STXBP6: variants seen among roughly 807,000 people sequenced by gnomAD.
STXBP6 encodes syntaxin binding protein 6, also known as syntaxin-binding protein 6.
Under a neutral mutation model 26.9 loss-of-function variants are expected in STXBP6, and 21 were observed. That is an observed-to-expected ratio of 0.78 (90% CI 0.55 to 1.12). The LOEUF (loss-of-function observed/expected upper bound fraction) is 1.12. Among genes scored for constraint, STXBP6 ranks in the 50% most tolerant of loss-of-function variants. The probability of loss-of-function intolerance (pLI) is 0.00; values close to 1 mark genes in which losing one functional copy is unlikely to be tolerated. For missense variants in STXBP6, 232 were observed against 257.9 expected, an observed-to-expected ratio of 0.90 and a Z score of 0.69; for synonymous variants, 97 against 92.6, an observed-to-expected ratio of 1.05 and a Z score of -0.27.
chr14:24,873,859 T>A (rs534235455), intron 2 of STXBP6, among the ~76,000 whole-genome samples: 2 of 152,316 alleles, frequency 1.3e-5, no homozygotes, highest in East Asian at 3.9e-4. Context: ...TGATGCTGGC[T>A]GTGTCTGCCT....
At chr14:24,910,084 C>T (rs2071517034) in intron 2 of STXBP6, among the ~76,000 whole-genome samples, 1 of 152,032 alleles carries the variant, frequency 6.6e-6, no homozygotes, top group Non-Finnish European at 1.5e-5. Flanking sequence ...CCGCACCCAT[C>T]CACACTGGCC....
At chr14:24,866,462 T>A (rs980518775) in intron 2 of STXBP6, among the ~76,000 whole-genome samples, 7 of 152,140 alleles carry the variant, frequency 4.6e-5, no homozygotes, top group Non-Finnish European at 7.3e-5. Context: ...TGTGTATGTA[T>A]ATACACTCAT....
rs114164910 is a variant in STXBP6 at position 24,980,257 on chromosome 14, C to G, written c.-32-5407G>C. ...TTTTTCTGATGTCATATATTAAGAT[C>G]AAGGAGATAATATGAGGCCAATTTA... On this transcript the variant is annotated intron_variant, in intron 1 of 5. Transcript: ENST00000323944. 7.3e-3 allele frequency among the ~76,000 whole-genome samples: 1,104 copies of G among 152,180 alleles called. 9 individuals carry two copies. The highest frequency in any genetic ancestry group is 0.026 in the African/African-American group (1,059 of 41,508).
At chr14:24,999,688 C>A (rs1280990637) in intron 1 of STXBP6, among the ~76,000 whole-genome samples, 2 of 152,020 alleles carry the variant, frequency 1.3e-5, no homozygotes, top group East Asian at 1.9e-4. Context: ...GGTGCCACTA[C>A]CCCCAAAAGA....
At chr14:24,826,605 A>G (rs543121633) in intron 4 of STXBP6, among the ~76,000 whole-genome samples, 1 of 152,100 alleles carries the variant, frequency 6.6e-6, no homozygotes, top group Non-Finnish European at 1.5e-5. Flanking sequence ...AAACTCACCA[A>G]TGACCTATCG....
intron 2 of STXBP6, among the ~76,000 whole-genome samples, chr14:24,884,751 G>T (rs929623703): frequency 2.8e-5 from 4 of 143,184 alleles, no homozygotes; most frequent in African/African-American, 1.1e-4. Flanking sequence ...TAATGTTTAT[G>T]AATACCCTAT....
intron 2 of STXBP6, among the ~76,000 whole-genome samples, chr14:24,957,822 A>G (rs2073391746): frequency 1.3e-5 from 2 of 152,228 alleles, no homozygotes; most frequent in Admixed American, 1.3e-4. Context: ...ATTCAAGTCC[A>G]TGTTTTTACT....
rs902454044 is a variant in STXBP6 at position 25,050,002 on chromosome 14, G to A, written c.-157C>T. 6.3e-6 allele frequency: 3 copies of A among 477,814 alleles called. No homozygotes were observed. The highest frequency in any genetic ancestry group is 4.2e-5 in the African/African-American group (2 of 47,616). 29.6% of individuals were successfully genotyped at this position (477,814 alleles called of 1,614,324 possible). A position where few individuals can be genotyped will look rare whatever the true frequency, so the allele number is the denominator to read the frequency against. On this transcript the variant is annotated 5_prime_UTR_variant, in exon 1 of 6. Coordinates refer to ENST00000323944, the MANE Select transcript of STXBP6 (RefSeq NM_001394410.1). ...TCCGGACAAGGCTTAGCCGGCCCGG[G>A]TGCTGGCTCGCCGCCGCTCGCGGCT... is the stretch of plus-strand genomic sequence containing the variant.
intron 1 of STXBP6, among the ~76,000 whole-genome samples, chr14:25,002,154 A>G (rs2074774808): frequency 6.6e-6 from 1 of 152,208 alleles, no homozygotes; most frequent in Non-Finnish European, 1.5e-5. Flanking sequence ...GACATTCTCT[A>G]AAATTATTTC....
Position 24,913,760 on chromosome 14 carries a change from T to A in STXBP6, c.155-56603A>T, listed in dbSNP as rs74040714. Among the ~76,000 whole-genome samples the A allele has an allele frequency of 2.2e-3, 329 of 152,320 alleles. 1 individual carries two copies. Among genetic ancestry groups the A allele is most frequent in the South Asian group, 0.012 (58 of 4,828 alleles). ...AAAACAATGAGAGATAAAATCTTTATAGTCTTTGGAAAAACCCTGCTACTA... is the reference window on the plus strand; with the variant it reads ...AAAACAATGAGAGATAAAATCTTTAAAGTCTTTGGAAAAACCCTGCTACTA... On this transcript the variant is annotated intron_variant, in intron 2 of 5. Coordinates refer to ENST00000323944, the MANE Select transcript of STXBP6 (RefSeq NM_001394410.1).
At chr14:24,889,786 G>T (rs1312630) in intron 2 of STXBP6, among the ~76,000 whole-genome samples, 55,569 of 151,960 alleles carry the variant, frequency 0.37, 10,378 homozygotes, top group East Asian at 0.44. Flanking sequence ...TACTAATCAG[G>T]ATCCTTTGCA....
intron 2 of STXBP6, among the ~76,000 whole-genome samples, chr14:24,965,996 T>C (rs901628779): frequency 6.6e-6 from 1 of 152,200 alleles, no homozygotes; most frequent in Non-Finnish European, 1.5e-5. Context: ...TGCCTTAGTT[T>C]GCAATCTCCC....
At chr14:25,042,689 C>T (rs937900776) in intron 1 of STXBP6, among the ~76,000 whole-genome samples, 5 of 152,182 alleles carry the variant, frequency 3.3e-5, no homozygotes, top group African/African-American at 9.7e-5. Context: ...ATGATCCACT[C>T]GACAGCAGCA....
intron 1 of STXBP6, chr14:25,010,689 C>T (rs554721910): frequency 6.6e-5 from 10 of 152,332 alleles, no homozygotes; most frequent in African/African-American, 2.4e-4. Flanking sequence ...CCCCAAATTC[C>T]TGGCATTCCC....
chr14:24,966,254 A>C lies in STXBP6; in HGVS notation c.154+8411T>G, dbSNP rs142141840. On this transcript the variant is annotated intron_variant, in intron 2 of 5. Coordinates refer to ENST00000323944, the MANE Select transcript of STXBP6 (RefSeq NM_001394410.1). Reference sequence around the variant, plus strand: ...AAAGAAAACTCTGTTGGCGTGCTAAACCACTAGAAAAGCTGAAGTCACTGA... The same window carrying C: ...AAAGAAAACTCTGTTGGCGTGCTAACCCACTAGAAAAGCTGAAGTCACTGA... 6.1e-3 allele frequency among the ~76,000 whole-genome samples: 935 copies of C among 152,266 alleles called. 4 individuals are homozygous for C. Among genetic ancestry groups the C allele is most frequent in the Non-Finnish European group, 1.0e-2 (679 of 68,014 alleles).
At chr14:24,943,987 C>CT (rs2072893470) in intron 2 of STXBP6, among the ~76,000 whole-genome samples, 1 of 53,322 alleles carries the variant, frequency 1.9e-5, no homozygotes, top group Admixed American at 1.9e-4. Context: ...TTTTCCCTCC[C>CT]CAAAAGTTTT....
intron 1 of STXBP6, among the ~76,000 whole-genome samples, chr14:25,018,530 C>T (rs941652468): frequency 6.6e-5 from 10 of 152,210 alleles, no homozygotes; most frequent in African/African-American, 2.4e-4. Context: ...GGTTAGGGCA[C>T]TCTCCTGACA....
At chr14:24,910,122 G>A (rs2071518375) in intron 2 of STXBP6, among the ~76,000 whole-genome samples, 2 of 152,002 alleles carry the variant, frequency 1.3e-5, no homozygotes, top group African/African-American at 2.4e-5. Flanking sequence ...TGAAGCACAC[G>A]CCCGCTTCAG....
rs2071276731 is a variant in STXBP6 at position 24,903,266 on chromosome 14, G to C, written c.155-46109C>G. ...TTTGTTTGTTTGTTTCATTGAGACA[G>C]TGGTGAGCATATGCTGGATGATGTA... On this transcript the variant is annotated intron_variant, in intron 2 of 5. Transcript: ENST00000323944. 3.3e-5 allele frequency among the ~76,000 whole-genome samples: 5 copies of C among 152,278 alleles called. No homozygotes were observed. In the South Asian group the frequency reaches 1.0e-3, roughly 32 times the overall value.
Sources: gnomAD v4.1 joint callset for allele counts (sites outside exome capture counted in the v4.1 genomes callset) on GRCh38, gnomAD v4.1.1 for gene constraint, MANE v1.5 for transcripts, NCBI Gene and HGNC (gene_info 2026-07-23, HGNC 2026-07-21) for gene names.